The following ACTG1 variants were observed in gnomAD, a reference collection of about 807,000 sequenced individuals.
ACTG1 encodes actin gamma 1, also known as actin, cytoplasmic 2.
A neutral mutation model predicts 34.3 loss-of-function variants in ACTG1; 14 were observed. The observed-to-expected ratio is 0.41, with a 90% CI of 0.27 to 0.64. The LOEUF is 0.64. Ranked by LOEUF, ACTG1 falls within the 30% of genes least tolerant of loss-of-function variation. The pLI is 0.33. For synonymous variants in ACTG1, 422 were observed against 213.9 expected (o/e 1.97, Z -8.49); for missense variants, 233 against 529.5 (o/e 0.44, Z 5.50).
At chr17:81,511,740 C>T (rs555229238) in intron 3 of ACTG1, 114 bp from the exon 4 acceptor site, 3 of 1,515,462 alleles carry the variant, frequency 2.0e-6, no homozygotes, top group Non-Finnish European at 2.7e-6. Flanking sequence ...GAAAAGAACG[C>T]AGGCAGAAAC....
At position 81,512,762 on chromosome 17, in the gene ACTG1, G is replaced by A. The variant is rs1258603257; in HGVS notation, c.-35C>T. On this transcript the variant is annotated 5_prime_UTR_variant, in exon 1 of 6. Transcript: ENST00000573283. ...CAGAGAAACGCGACGGCGGAGCGGC[G>A]GAAGAACAGAGTGCGAGAGCTGGCA... The A allele has an allele frequency of 3.6e-5, 15 of 414,874 alleles. No homozygotes were observed. Among genetic ancestry groups the A allele is most frequent in the Admixed American group, 1.7e-4 (6 of 35,740 alleles). 25.7% of individuals were successfully genotyped at this position (414,874 alleles called of 1,614,324 possible). A position where few individuals can be genotyped will look rare whatever the true frequency, so the allele number is the denominator to read the frequency against.
At chr17:81,512,199 G>C in intron 2 of ACTG1, 33 bp downstream of exon 2, 4 of 1,613,314 alleles carry the variant, frequency 2.5e-6, no homozygotes, top group Non-Finnish European at 3.4e-6. Flanking sequence ...CCGCAACGCA[G>C]AACCCAGGAG....
rs782575719 is a variant in ACTG1 at position 81,512,379 on chromosome 17, A to C, written c.-6-19T>G. On this transcript the variant is annotated intron_variant, in intron 1 of 5. Transcript: ENST00000573283. ...TTGCGACCTGCCCGGAAAAGGATGGACTCAGGCGGGCGCGTCTGTAACACG... is the reference window on the plus strand; with the variant it reads ...TTGCGACCTGCCCGGAAAAGGATGGCCTCAGGCGGGCGCGTCTGTAACACG... The C allele has an allele frequency of 3.1e-6, 5 of 1,613,704 alleles. No individual in the cohort carries two copies. Among genetic ancestry groups the C allele is most frequent in the Non-Finnish European group, 4.2e-6 (5 of 1,179,904 alleles).
intron 5 of ACTG1, 37 bp from the exon 6 acceptor site, chr17:81,510,870 G>T (rs1555666429): frequency 6.3e-7 from 1 of 1,597,884 alleles, no homozygotes; most frequent in Non-Finnish European, 8.5e-7. Context: ...AGCTCACAGA[G>T]CGCCCCCCAG....
In ACTG1 at chr17:81,510,095, A is replaced by C. The variant is rs554686385; in HGVS notation, c.*595T>G. On this transcript the variant is annotated 3_prime_UTR_variant, in exon 6 of 6. Transcript: ENST00000573283. ...CTTCAAAGAATCGAGAATTGCGTAC[A>C]AAAAAAACCTTACATAAATTAAGAA... 14 of 461,746 alleles carry C rather than the reference A, an allele frequency of 3.0e-5. 1 individual carries two copies. In the East Asian group the frequency reaches 7.6e-4, roughly 25 times the overall value. 28.6% of individuals were successfully genotyped at this position (461,746 alleles called of 1,614,324 possible). A position where few individuals can be genotyped will look rare whatever the true frequency, so the allele number is the denominator to read the frequency against.
rs1555666502 is a variant in ACTG1 at position 81,511,044 on chromosome 17, G to T, written c.867C>A (p.Ile289=). The T allele has an allele frequency of 6.2e-7, 1 of 1,613,946 alleles. No homozygotes were observed. Residue 289 remains isoleucine (I), a synonymous_variant, in exon 5 of 6, where the codon ATC becomes ATA. Transcript: ENST00000573283. ...CCGTGTTGGCGTACAGGTCTTTGCG[G>T]ATGTCCACGTCACACTTCATGATGG... The part of the protein sequence containing the change: ...FNSIMKCDVD[I]RKDLYANTVL...
In ACTG1 at chr17:81,512,410, C is replaced by G. The variant is rs553955436; in HGVS notation, c.-6-50G>C. The G allele has an allele frequency of 1.8e-4, 295 of 1,613,396 alleles. 3 individuals carry two copies. In the South Asian group the frequency reaches 3.1e-3, roughly 17 times the overall value. On this transcript the variant is annotated intron_variant, in intron 1 of 5. Transcript: ENST00000573283. ...GCGGGCGCGTCTGTAACACGGTCCC[C>G]TCCCCACAGCCACCTAATGCCCTCC...
Position 81,510,948 on chromosome 17 carries a change from C to G in ACTG1, c.963G>C (p.Ala321=). 1 of 1,614,088 alleles carries G rather than the reference C, an allele frequency of 6.2e-7. No homozygotes were observed. Residue 321 remains alanine (A), a synonymous_variant, in exon 5 of 6, where the codon GCG becomes GCC. Transcript: ENST00000573283. ...TCACCTTGATCTTCATGGTGCTGGG[C>G]GCCAGGGCGGTGATCTCCTTCTGCA... ...DRMQKEITAL[A]PSTMKIKIIA...
At position 81,510,489 on chromosome 17, in the gene ACTG1, A is replaced by C. The variant is rs1555666190; in HGVS notation, c.*201T>G. 5.4e-6 allele frequency: 4 copies of C among 743,806 alleles called. No individual in the cohort carries two copies. The Admixed American group carries it at 6.0e-5, about 11-fold the overall frequency. 46.1% of individuals were successfully genotyped at this position (743,806 alleles called of 1,614,324 possible). On this transcript the variant is annotated 3_prime_UTR_variant, in exon 6 of 6. Transcript: ENST00000573283. ...GTATTAAACAAATACCAAGGGGAAC[A>C]GTTAACTTCAATACAAGGTCAAAAT...
rs11549200 is a variant in ACTG1, at chr17:81,510,827, C to T, written c.991G>A (p.Ala331Thr). ...ACCGAGTACTTGCGCTCTGGGGGTG[C>T]GATGATCTGCAAAGACAGCCAGGCA... ...APSTMKIKII[A>T]PPERKYSVWI... is the part of the protein sequence containing the mutation. The change falls in exon 6 of 6, where the codon GCA (alanine) becomes ACA (threonine). Residue 331 changes from alanine (A) to threonine (T), a missense_variant. Transcript: ENST00000573283. 1 of 1,613,778 alleles carries T rather than the reference C, an allele frequency of 6.2e-7. No homozygotes were observed. The highest frequency in any genetic ancestry group is 1.1e-5 in the South Asian group (1 of 91,082).
rs781954429 is a variant in ACTG1 at position 81,512,799 on chromosome 17, G to A, written c.-72C>T. The A allele has an allele frequency of 1.7e-4, 71 of 409,468 alleles. No individual in the cohort carries two copies. Among genetic ancestry groups the A allele is most frequent in the East Asian group, 5.5e-4 (5 of 9,152 alleles). 25.4% of individuals were successfully genotyped at this position (409,468 alleles called of 1,614,324 possible). On this transcript the variant is annotated 5_prime_UTR_variant, in exon 1 of 6. Coordinates refer to ENST00000573283, the MANE Select transcript of ACTG1 (RefSeq NM_001614.5). ...TGCGAGAGCTGGCAGCGGCGACTGA[G>A]ACCGACCGCGGCCTCCCCCGCCGTT...
chr17:81,512,528 G>A lies in ACTG1; in HGVS notation c.-6-168C>T, dbSNP rs1032108297. The A allele has an allele frequency of 7.8e-5, 88 of 1,124,004 alleles. No individual in the cohort carries two copies. The African/African-American group carries it at 1.1e-3, about 14-fold the overall frequency. The allele number at this position is 1,124,004 out of a possible 1,614,324, so 69.6% of individuals were successfully genotyped here. ...CCGAAGGCCGGGCCTTTTACGTAAC[G>A]TCCACGGCTCGGAAGTCTGCACTGC... On this transcript the variant is annotated intron_variant, in intron 1 of 5. Coordinates refer to ENST00000573283, the MANE Select transcript of ACTG1 (RefSeq NM_001614.5).
intron 4 of ACTG1, 25 bp from the exon 5 acceptor site, chr17:81,511,133 T>A: frequency 1.2e-6 from 2 of 1,613,842 alleles, no homozygotes; most frequent in Non-Finnish European, 1.7e-6. Context: ...CCTCCCTTAG[T>A]GATGCTGTGT....
chr17:81,511,095 G>A lies in ACTG1; in HGVS notation c.816C>T (p.Cys272=), dbSNP rs376841359. ...FQPSFLGMES[C]GIHETTFNSI... is the part of the protein sequence containing the mutation. The stretch of plus-strand genomic sequence containing the variant: ...AGTTGAAGGTGGTCTCGTGGATGCC[G>A]CAAGATTCCATACCTAGGGGACAGA... The change falls in exon 5 of 6, where the codon TGC becomes TGT. Residue 272 remains cysteine (C), a synonymous_variant. Transcript: ENST00000573283. 4.7e-5 allele frequency: 76 copies of A among 1,613,986 alleles called. No homozygotes were observed. The highest frequency in any genetic ancestry group is 2.0e-4 in the African/African-American group (15 of 75,028).
rs1401981120 is a variant in ACTG1 at position 81,512,356 on chromosome 17, G to A, written c.-2C>T. On this transcript the variant is annotated 5_prime_UTR_variant, in exon 2 of 6. Coordinates refer to ENST00000573283, the MANE Select transcript of ACTG1 (RefSeq NM_001614.5). ...CAGCGCGGCGATCTCTTCTTCCATT[G>A]CGACCTGCCCGGAAAAGGATGGACT... 8 of 1,613,832 alleles carry A rather than the reference G, an allele frequency of 5.0e-6. No individual in the cohort carries two copies. In the African/African-American group the frequency reaches 6.7e-5, roughly 13 times the overall value.
At position 81,510,702 on chromosome 17, in the gene ACTG1, G is replaced by C; in HGVS notation, c.1116C>G (p.Arg372=). Residue 372 remains arginine, a synonymous_variant, in exon 6 of 6, where the codon CGC becomes CGG. Coordinates refer to ENST00000573283, the MANE Select transcript of ACTG1 (RefSeq NM_001614.5). ...YDESGPSIVH[R]KCF ...CTGCTGAGTCCGTTTAGAAGCATTTGCGGTGGACGATGGAGGGGCCCGACT... is the reference window on the plus strand; with the variant it reads ...CTGCTGAGTCCGTTTAGAAGCATTTCCGGTGGACGATGGAGGGGCCCGACT... 6.2e-7 allele frequency: 1 copy of C among 1,614,066 alleles called. No individual in the cohort carries two copies.
Position 81,511,707 on chromosome 17 carries a change from G to T in ACTG1, c.364-81C>A, listed in dbSNP as rs1357021943. Reference sequence around the variant, plus strand: ...GCTCACACGCCACAACATGCTGCATGCCAGTGTGATGTGTGGAGAAAAGAA... The same window carrying T: ...GCTCACACGCCACAACATGCTGCATTCCAGTGTGATGTGTGGAGAAAAGAA... On this transcript the variant is annotated intron_variant, in intron 3 of 5. Coordinates refer to ENST00000573283, the MANE Select transcript of ACTG1 (RefSeq NM_001614.5). 13 of 1,529,044 alleles carry T rather than the reference G, an allele frequency of 8.5e-6. No individual in the cohort carries two copies. The African/African-American group carries it at 1.6e-4, about 19-fold the overall frequency. 94.7% of individuals were successfully genotyped at this position (1,529,044 alleles called of 1,614,324 possible). A position where few individuals can be genotyped will look rare whatever the true frequency, so the allele number is the denominator to read the frequency against.
chr17:81,510,883 A>C, intron 5 of ACTG1, 44 bp downstream of exon 5: 1 of 1,613,656 alleles, frequency 6.2e-7, no homozygotes. Flanking sequence ...CCCCCCAGTC[A>C]GCTCTCCCGA....
intron 1 of ACTG1, 66 bp downstream of exon 1, chr17:81,512,668 G>T (rs1483968845): frequency 2.4e-6 from 1 of 413,644 alleles, no homozygotes; most frequent in Non-Finnish European, 4.5e-6. Context: ...CTGGAAGCGG[G>T]GCCAGCCGGG....
Sources: allele counts gnomAD v4.1 joint callset, GRCh38; gene constraint gnomAD v4.1.1; transcripts MANE v1.5; gene names NCBI Gene and HGNC (gene_info 2026-07-23, HGNC 2026-07-21).